Variants in LARP4 observed in about 807,000 individuals in gnomAD.
The protein encoded by LARP4 is la-related protein 4.
In LARP4, 29 loss-of-function variants were observed where a neutral mutation model predicts 92.9. That is an observed-to-expected ratio of 0.31 (90% confidence interval 0.23 to 0.43). The LOEUF (loss-of-function observed/expected upper bound fraction) is 0.43. Among genes scored for constraint, LARP4 ranks in the 20% least tolerant of loss-of-function variants. The probability of loss-of-function intolerance (pLI) is 1.00; values close to 1 mark genes in which losing one functional copy is unlikely to be tolerated. For synonymous variants in LARP4, 279 were observed against 284.1 expected (o/e 0.98, Z 0.18); for missense variants, 732 against 860.0 (o/e 0.85, Z 1.86).
At chr12:50,461,519 A>G in intron 11 of LARP4, 172 bp downstream of exon 11, 1 of 687,382 alleles carries the variant, frequency 1.5e-6, no homozygotes, top group Non-Finnish European at 2.4e-6. Context: ...AATTATTAAG[A>G]AATAGAGTGC....
intron 8 of LARP4, among the ~76,000 whole-genome samples, chr12:50,448,725 A>ATGT (rs1952628444): frequency 6.6e-6 from 1 of 151,804 alleles, no homozygotes; most frequent in African/African-American, 2.4e-5. Context: ...GGGTTTCACC[A>ATGT]TGTTGGCCAG....
intron 1 of LARP4, among the ~76,000 whole-genome samples, chr12:50,405,721 TTC>T (rs1191567844): frequency 2.6e-5 from 4 of 152,138 alleles, no homozygotes; most frequent in Non-Finnish European, 5.9e-5. Context: ...GAAATTGGGT[TTC>T]TGTCTCTGTT....
intron 1 of LARP4, among the ~76,000 whole-genome samples, chr12:50,424,533 T>C (rs1485904644): frequency 2.0e-5 from 3 of 151,972 alleles, no homozygotes; most frequent in African/African-American, 4.8e-5. Context: ...TGATTTTGTA[T>C]TTTAAGTAGA....
At chr12:50,473,365 T>C in intron 13 of LARP4, 50 bp from the exon 14 acceptor site, 3 of 1,429,274 alleles carry the variant, frequency 2.1e-6, no homozygotes, top group Non-Finnish European at 2.9e-6. Context: ...GTGTATATCT[T>C]CTTTGGAAAA....
At chr12:50,404,276 C>T (rs2136213282) in intron 1 of LARP4, among the ~76,000 whole-genome samples, 1 of 152,260 alleles carries the variant, frequency 6.6e-6, no homozygotes, top group Non-Finnish European at 1.5e-5. Context: ...TAAGTTTATA[C>T]AGCTAGTGAA....
intron 10 of LARP4, among the ~76,000 whole-genome samples, chr12:50,455,241 G>A (rs1005022587): frequency 2.0e-5 from 3 of 152,014 alleles, no homozygotes; most frequent in African/African-American, 7.3e-5. Context: ...TGTTGTTGTG[G>A]GGGTAGAGAC....
At chr12:50,469,167 C>T (rs547079009) in intron 13 of LARP4, among the ~76,000 whole-genome samples, 13 of 151,706 alleles carry the variant, frequency 8.6e-5, no homozygotes, top group Non-Finnish European at 1.8e-4. Flanking sequence ...AATCATTTTC[C>T]CTTGGAACTT....
intron 7 of LARP4, 25 bp from the exon 8 acceptor site, chr12:50,441,565 A>G: frequency 1.3e-6 from 2 of 1,535,500 alleles, no homozygotes; most frequent in Non-Finnish European, 8.9e-7. Context: ...TGCTAATGAA[A>G]GTTTTTTTTG....
chr12:50,454,687 G>C (rs1398213225), intron 10 of LARP4: 3 of 285,226 alleles, frequency 1.1e-5, no homozygotes, highest in African/African-American at 6.5e-5. Flanking sequence ...ACCAGTCTCT[G>C]ACAAATCTGG....
intron 6 of LARP4, among the ~76,000 whole-genome samples, chr12:50,439,953 A>G (rs1185089589): frequency 6.6e-6 from 1 of 152,204 alleles, no homozygotes; most frequent in African/African-American, 2.4e-5. Flanking sequence ...AAGCAAAGCA[A>G]CTGGATTAAA....
chr12:50,442,977 C>CT (rs1951457259), intron 8 of LARP4, among the ~76,000 whole-genome samples: 1 of 152,154 alleles, frequency 6.6e-6, no homozygotes, highest in African/African-American at 2.4e-5. Context: ...TCCCTTTTAT[C>CT]TTTCCCTGCT....
intron 12 of LARP4, among the ~76,000 whole-genome samples, chr12:50,466,560 G>A (rs2138892180): frequency 6.6e-6 from 1 of 152,246 alleles, no homozygotes; most frequent in South Asian, 2.1e-4. Context: ...GTTGTAGTGA[G>A]CTATGATTGT....
intron 4 of LARP4, among the ~76,000 whole-genome samples, chr12:50,431,528 A>G (rs996908795): frequency 2.0e-5 from 3 of 152,132 alleles, no homozygotes; most frequent in Non-Finnish European, 2.9e-5. Context: ...TTTCAGGCAA[A>G]CATTTGGAGA....
rs1194162445 is a variant in LARP4, at chr12:50,475,962, G to A, written c.*98G>A. 2 of 970,980 alleles carry A rather than the reference G, an allele frequency of 2.1e-6. No homozygotes were observed. Among genetic ancestry groups the A allele is most frequent in the East Asian group, 2.6e-5 (1 of 39,092 alleles). The allele number at this position is 970,980 out of a possible 1,614,324, so 60.1% of individuals were successfully genotyped here. On this transcript the variant is annotated 3_prime_UTR_variant, in exon 16 of 16. Coordinates refer to ENST00000398473, the MANE Select transcript of LARP4 (RefSeq NM_052879.5). ...TGGAGGGGAGGGGGTAGCCAGGAAG[G>A]AAACAAGAGAAAGTACGTCCATTTC...
chr12:50,430,628 A>G, intron 4 of LARP4, 58 bp downstream of exon 4: 1 of 1,011,044 alleles, frequency 9.9e-7, no homozygotes, highest in Non-Finnish European at 1.5e-6. Flanking sequence ...CGTGTGAAAT[A>G]GAGCGCAAGG....
chr12:50,449,923 ATTTTTTTTTTTTTTTTT>A lies in LARP4; in HGVS notation c.805-3524_805-3508del, dbSNP rs60763691. Among the ~76,000 whole-genome samples the A allele has an allele frequency of 1.5e-4, 7 of 47,044 alleles. No individual in the cohort carries two copies. The Admixed American group carries it at 2.0e-3, about 13-fold the overall frequency. 30.9% of individuals were successfully genotyped at this position (47,044 alleles called of 152,430 possible). On this transcript the variant is annotated intron_variant, in intron 8 of 15. Transcript: ENST00000398473. ...GACCTTTTGTTATACAGCCATAGCA[ATTTTTTTTTTTTTTTTT>A]TTTTTTTTTTTTGAGATGGAGTTTT... is the stretch of plus-strand genomic sequence containing the variant.
At chr12:50,422,440 C>G (rs1256195573) in intron 1 of LARP4, among the ~76,000 whole-genome samples, 2 of 151,962 alleles carry the variant, frequency 1.3e-5, no homozygotes, top group Non-Finnish European at 2.9e-5. Context: ...TTTAATCAAC[C>G]CTGAGATGCA....
chr12:50,446,903 T>C (rs1378346911), intron 8 of LARP4, among the ~76,000 whole-genome samples: 7 of 152,206 alleles, frequency 4.6e-5, no homozygotes, highest in Admixed American at 3.3e-4. Flanking sequence ...TGATTTCTTA[T>C]TGTTTGACTG....
chr12:50,424,985 A>G (rs1350220466), intron 1 of LARP4, among the ~76,000 whole-genome samples: 2 of 151,942 alleles, frequency 1.3e-5, no homozygotes, highest in Non-Finnish European at 2.9e-5. Context: ...TGTCTCTACT[A>G]AAAACACAAA....
Sources: allele counts gnomAD v4.1 joint callset (sites outside exome capture counted in the v4.1 genomes callset), GRCh38; gene constraint gnomAD v4.1.1; transcripts MANE v1.5; gene names NCBI Gene and HGNC (gene_info 2026-07-23, HGNC 2026-07-21).